RPS6KC1: variants seen among roughly 807,000 people sequenced by gnomAD.
The protein encoded by RPS6KC1 is inactive ribosomal protein S6 kinase delta-1.
A neutral mutation model predicts 103.8 loss-of-function variants in RPS6KC1; 54 were observed. The observed-to-expected ratio is 0.52, with a 90% CI of 0.42 to 0.65. The LOEUF is 0.65. Among genes scored for constraint, RPS6KC1 ranks in the 30% least tolerant of loss-of-function variants. The pLI, the probability that RPS6KC1 is intolerant of heterozygous loss-of-function variation, is 0.00. For missense variants in RPS6KC1, 1,151 were observed against 1,253.8 expected (o/e 0.92, Z 1.24); for synonymous variants, 439 against 438.7 (o/e 1.00, Z -0.01).
the RPS6KC1 span, among the ~76,000 whole-genome samples, chr1:213,475,762 G>A: frequency 6.6e-5 from 10 of 152,154 alleles, no homozygotes; most frequent in Non-Finnish European, 1.0e-4. Context: ...CTATTTCACC[G>A]GGAAATGGCC....
chr1:213,827,653 A>G, the RPS6KC1 span, among the ~76,000 whole-genome samples: 3 of 152,212 alleles, frequency 2.0e-5, no homozygotes, highest in Non-Finnish European at 2.9e-5. Flanking sequence ...TTCTTCAAGA[A>G]TCACCATCTA....
chr1:213,849,119 G>A, the RPS6KC1 span, among the ~76,000 whole-genome samples: 1 of 152,174 alleles, frequency 6.6e-6, no homozygotes. Flanking sequence ...CTCTTGCAAT[G>A]GTTAAAGTTT....
intron 8 of RPS6KC1, chr1:213,205,320 G>A (rs2093306780): frequency 1.7e-5 from 17 of 984,888 alleles, no homozygotes; most frequent in Non-Finnish European, 2.0e-5. Flanking sequence ...CAGCAAGCTA[G>A]ATAAAGATAA....
At chr1:213,162,796 A>G (rs987773465) in intron 6 of RPS6KC1, among the ~76,000 whole-genome samples, 1 of 152,268 alleles carries the variant, frequency 6.6e-6, no homozygotes, top group Admixed American at 6.5e-5. Flanking sequence ...TATTGAAAAC[A>G]ATCATAATTG....
chr1:213,472,802 G>A, the RPS6KC1 span, among the ~76,000 whole-genome samples: 3 of 152,318 alleles, frequency 2.0e-5, no homozygotes, highest in South Asian at 2.1e-4. Context: ...AGCTTTATAA[G>A]TAAGTATAAA....
At chr1:213,465,899 C>T in the RPS6KC1 span, among the ~76,000 whole-genome samples, 1 of 152,242 alleles carries the variant, frequency 6.6e-6, no homozygotes, top group Admixed American at 6.5e-5. Context: ...CACAACTGCC[C>T]TCATTTCCCC....
chr1:213,561,320 A>G, the RPS6KC1 span, among the ~76,000 whole-genome samples: 1 of 152,198 alleles, frequency 6.6e-6, no homozygotes, highest in African/African-American at 2.4e-5. Context: ...GCCATAAACC[A>G]TTGTAATAGC....
the RPS6KC1 span, among the ~76,000 whole-genome samples, chr1:213,734,527 A>G: frequency 6.6e-6 from 1 of 152,144 alleles, no homozygotes; most frequent in Non-Finnish European, 1.5e-5. Flanking sequence ...GTGTGAGTGC[A>G]TGTGTGAATG....
chr1:213,440,617 A>G, the RPS6KC1 span, among the ~76,000 whole-genome samples: 1 of 148,220 alleles, frequency 6.7e-6, no homozygotes, highest in Non-Finnish European at 1.5e-5. Flanking sequence ...AAAAAAAAAG[A>G]ACTCTATTAT....
the RPS6KC1 span, among the ~76,000 whole-genome samples, chr1:213,346,002 G>A: frequency 7.2e-5 from 11 of 152,136 alleles, no homozygotes; most frequent in Non-Finnish European, 1.3e-4. Context: ...TAAAGTTGCC[G>A]AAATAATATA....
At chr1:213,292,787 A>C in the RPS6KC1 span, among the ~76,000 whole-genome samples, 2 of 152,234 alleles carry the variant, frequency 1.3e-5, no homozygotes, top group African/African-American at 4.8e-5. Context: ...GCCCTCTTAA[A>C]CTATGATCGG....
At chr1:213,745,961 C>G in the RPS6KC1 span, among the ~76,000 whole-genome samples, 1 of 152,124 alleles carries the variant, frequency 6.6e-6, no homozygotes, top group African/African-American at 2.4e-5. Context: ...CTCTGGACCT[C>G]ATTCTATCTA....
the RPS6KC1 span, among the ~76,000 whole-genome samples, chr1:213,732,197 A>G: frequency 5.9e-5 from 9 of 152,154 alleles, no homozygotes; most frequent in South Asian, 2.1e-4. Flanking sequence ...AGGTGGTACC[A>G]TTTTCTGAGC....
the RPS6KC1 span, among the ~76,000 whole-genome samples, chr1:213,361,332 C>A: frequency 0.02 from 2,990 of 152,356 alleles, 149 homozygotes; most frequent in East Asian, 0.19. Flanking sequence ...GAGCAAGGCT[C>A]CGTGGGCGTG....
In RPS6KC1 at chr1:213,272,512, G is replaced by A. The variant is rs2095068799; in HGVS notation, c.3091-12G>A. The A allele has an allele frequency of 1.2e-6, 2 of 1,606,178 alleles. No individual in the cohort carries two copies. Among genetic ancestry groups the A allele is most frequent in the Non-Finnish European group, 8.5e-7 (1 of 1,172,844 alleles). On this transcript the variant is annotated splice_polypyrimidine_tract_variant and intron_variant, in intron 14 of 14. Transcript: ENST00000366960. ...TGGATTCCTGTTACTCACTAAGTCC[G>A]TCTTTTTTTAGCTCTTGCAGTTCAA...
chr1:213,568,683 A>T, the RPS6KC1 span, among the ~76,000 whole-genome samples: 1 of 152,202 alleles, frequency 6.6e-6, no homozygotes, highest in Non-Finnish European at 1.5e-5. Context: ...TTTAAAGAGG[A>T]GGACGCAAAA....
the RPS6KC1 span, among the ~76,000 whole-genome samples, chr1:213,740,614 T>TAC: frequency 6.6e-6 from 1 of 151,396 alleles, no homozygotes; most frequent in South Asian, 2.1e-4. Context: ...TATATATACA[T>TAC]ATATATATCT....
Position 213,165,273 on chromosome 1 carries a change from C to T in RPS6KC1, c.836-2585C>T, listed in dbSNP as rs114213793. On this transcript the variant is annotated intron_variant, in intron 6 of 14. Coordinates refer to ENST00000366960, the MANE Select transcript of RPS6KC1 (RefSeq NM_012424.6). ...CTTTTTTGAGTCTTGCTCTGTTGCCCGGGCTGGAGTGCAGTGGCATGATCT... is the reference window on the plus strand; with the variant it reads ...CTTTTTTGAGTCTTGCTCTGTTGCCTGGGCTGGAGTGCAGTGGCATGATCT... Among the ~76,000 whole-genome samples, 927 of 152,204 alleles carry T rather than the reference C, an allele frequency of 6.1e-3. 4 individuals carry two copies. Among genetic ancestry groups the T allele is most frequent in the South Asian group, 0.019 (90 of 4,812 alleles).
chr1:213,571,855 CTTGCTAAAATGCCACT>C, the RPS6KC1 span, among the ~76,000 whole-genome samples: 3 of 152,184 alleles, frequency 2.0e-5, no homozygotes, highest in African/African-American at 7.2e-5. Flanking sequence ...CTGTGAGGAT[CTTGCTAAAATGCCACT>C]TTGGATTCAG....
Sources: allele counts gnomAD v4.1 joint callset (sites outside exome capture counted in the v4.1 genomes callset), GRCh38; gene constraint gnomAD v4.1.1; transcripts MANE v1.5; gene names NCBI Gene and HGNC (gene_info 2026-07-23, HGNC 2026-07-21).